Variants in PITPNC1 observed in about 807,000 individuals in gnomAD.
PITPNC1 encodes the protein phosphatidylinositol transfer protein cytoplasmic 1, also known as cytoplasmic phosphatidylinositol transfer protein 1.
Under a neutral mutation model 44.7 loss-of-function variants are expected in PITPNC1, and 18 were observed. The ratio of observed to expected loss-of-function variants is 0.40; its 90% CI spans 0.28 to 0.60. PITPNC1 has a LOEUF of 0.60. PITPNC1 is among the 20% of genes least tolerant of loss of function. The pLI is 0.39. For synonymous variants in PITPNC1, 141 were observed against 149.6 expected (o/e 0.94, Z 0.42); for missense variants, 290 against 418.4 (o/e 0.69, Z 2.68).
At chr17:67,403,218 C>CAAGAA (rs2038347430) in intron 1 of PITPNC1, among the ~76,000 whole-genome samples, 1 of 68,974 alleles carries the variant, frequency 1.4e-5, no homozygotes, top group Admixed American at 2.2e-4. Context: ...CTCATCTCTA[C>CAAGAA]AAAAAAAAAA....
At chr17:67,403,014 C>T (rs1007483827) in intron 1 of PITPNC1, among the ~76,000 whole-genome samples, 1 of 152,056 alleles carries the variant, frequency 6.6e-6, no homozygotes, top group Non-Finnish European at 1.5e-5. Context: ...ATTAACCGTT[C>T]TTCTTAGCTT....
intron 6 of PITPNC1, among the ~76,000 whole-genome samples, chr17:67,665,817 G>T (rs1424109924): frequency 6.6e-6 from 1 of 151,312 alleles, no homozygotes; most frequent in African/African-American, 2.4e-5. Flanking sequence ...CCCAGGAAAG[G>T]GTCCTTGGAG....
intron 1 of PITPNC1, among the ~76,000 whole-genome samples, chr17:67,439,537 C>A (rs1453954991): frequency 6.6e-6 from 1 of 152,156 alleles, no homozygotes; most frequent in East Asian, 1.9e-4. Context: ...AAGAAAATTT[C>A]TCATAGAAAA....
rs968411396 is a variant in PITPNC1 at position 67,693,455 on chromosome 17, T to G, written c.*567T>G. Reference sequence around the variant, plus strand: ...ATTTTAATCATCAAGCTATAGAGGCTCCAAGTGCAATTAATAATAACTCAT... The same window carrying G: ...ATTTTAATCATCAAGCTATAGAGGCGCCAAGTGCAATTAATAATAACTCAT... On this transcript the variant is annotated 3_prime_UTR_variant, in exon 9 of 9. Coordinates refer to ENST00000581322, the MANE Select transcript of PITPNC1 (RefSeq NM_012417.4). 2.6e-5 allele frequency: 4 copies of G among 152,672 alleles called. No homozygotes were observed. The highest frequency in any genetic ancestry group is 9.6e-5 in the African/African-American group (4 of 41,458). The allele number at this position is 152,672 out of a possible 1,614,324, so 9.5% of individuals were successfully genotyped here. A position where few individuals can be genotyped will look rare whatever the true frequency, so the allele number is the denominator to read the frequency against.
intron 5 of PITPNC1, among the ~76,000 whole-genome samples, chr17:67,625,929 A>G (rs995799033): frequency 2.6e-5 from 4 of 151,758 alleles, no homozygotes; most frequent in Non-Finnish European, 5.9e-5. Context: ...GATGTCTCCC[A>G]GAATCCCTGA....
chr17:67,385,232 G>T (rs894381622), intron 1 of PITPNC1, among the ~76,000 whole-genome samples: 1 of 152,062 alleles, frequency 6.6e-6, no homozygotes, highest in Non-Finnish European at 1.5e-5. Context: ...TAATCAGCAG[G>T]CTGCAAAAAC....
At chr17:67,479,268 AC>A (rs1288013330) in intron 1 of PITPNC1, among the ~76,000 whole-genome samples, 1 of 152,116 alleles carries the variant, frequency 6.6e-6, no homozygotes, top group Non-Finnish European at 1.5e-5. Flanking sequence ...CTTTCTGCCT[AC>A]CACACACACG....
chr17:67,504,829 T>A (rs1412487623), intron 1 of PITPNC1, among the ~76,000 whole-genome samples: 1 of 152,232 alleles, frequency 6.6e-6, no homozygotes, highest in Non-Finnish European at 1.5e-5. Flanking sequence ...GAAGGTTAAG[T>A]TATTGATGCG....
intron 1 of PITPNC1, among the ~76,000 whole-genome samples, chr17:67,510,344 C>T (rs555237719): frequency 7.5e-4 from 114 of 152,338 alleles, no homozygotes; most frequent in African/African-American, 2.6e-3. Context: ...CAGGACACCC[C>T]GAACCTGCCT....
chr17:67,631,367 C>T (rs1366542728), intron 5 of PITPNC1, among the ~76,000 whole-genome samples: 4 of 149,018 alleles, frequency 2.7e-5, no homozygotes, highest in East Asian at 1.9e-4. Context: ...CGGTGGCTCA[C>T]GCCTGTAATC....
rs2040480194 is a variant in PITPNC1, at chr17:67,532,798, G to T, written c.49-4G>T. On this transcript the variant is annotated splice_region_variant and splice_polypyrimidine_tract_variant and intron_variant, in intron 1 of 8. Transcript: ENST00000581322. ...ACCTTTCTGTCTCTGACTCTGTTTTGTAGTACAAAATTGGACAGCTGTACA... is the reference window on the plus strand; with the variant it reads ...ACCTTTCTGTCTCTGACTCTGTTTTTTAGTACAAAATTGGACAGCTGTACA... 1.3e-6 allele frequency: 2 copies of T among 1,557,684 alleles called. No individual in the cohort carries two copies. Among genetic ancestry groups the T allele is most frequent in the East Asian group, 2.4e-5 (1 of 41,496 alleles).
chr17:67,603,939 A>AT (rs201638190), intron 5 of PITPNC1, among the ~76,000 whole-genome samples: 79 of 150,006 alleles, frequency 5.3e-4, no homozygotes, highest in African/African-American at 1.9e-3. Context: ...TGTCTCATAG[A>AT]TTTAAAAAAA....
At chr17:67,534,626 G>T (rs1343986585) in intron 2 of PITPNC1, among the ~76,000 whole-genome samples, 1 of 151,116 alleles carries the variant, frequency 6.6e-6, no homozygotes, top group Non-Finnish European at 1.5e-5. Flanking sequence ...GTGACACAGT[G>T]AGACCTTGTC....
At chr17:67,576,710 A>G (rs2041154418) in intron 4 of PITPNC1, among the ~76,000 whole-genome samples, 1 of 152,042 alleles carries the variant, frequency 6.6e-6, no homozygotes, top group Admixed American at 6.6e-5. Context: ...ATAGGACTTG[A>G]CTCAGCGAGA....
intron 5 of PITPNC1, among the ~76,000 whole-genome samples, chr17:67,607,119 T>C (rs2041618101): frequency 6.6e-6 from 1 of 152,210 alleles, no homozygotes; most frequent in Non-Finnish European, 1.5e-5. Context: ...CAACTTTGGG[T>C]TGCTATCTTT....
intron 1 of PITPNC1, among the ~76,000 whole-genome samples, chr17:67,425,197 G>GCACACACACACACACA (rs60303181): frequency 1.3e-4 from 13 of 98,466 alleles, no homozygotes; most frequent in East Asian, 1.0e-3. Flanking sequence ...GCGCGCGCAC[G>GCACACACACACACACA]CACACGCACA....
chr17:67,631,657 A>AATAT (rs1555574521), intron 5 of PITPNC1, among the ~76,000 whole-genome samples: 13 of 7,680 alleles, frequency 1.7e-3, no homozygotes, highest in Non-Finnish European at 2.6e-3. Context: ...AAAAAAAAAA[A>AATAT]ATATATATAT....
At chr17:67,410,834 C>T (rs2143842842) in intron 1 of PITPNC1, among the ~76,000 whole-genome samples, 1 of 151,994 alleles carries the variant, frequency 6.6e-6, no homozygotes, top group East Asian at 2.0e-4. Context: ...CCTGTAATCC[C>T]AGCACTTTGG....
At chr17:67,418,640 AACCTCC>A (rs2038620309) in intron 1 of PITPNC1, among the ~76,000 whole-genome samples, 1 of 151,866 alleles carries the variant, frequency 6.6e-6, no homozygotes, top group Non-Finnish European at 1.5e-5. Flanking sequence ...GGCTCACTGC[AACCTCC>A]ACCTCCTGGG....
Sources: gnomAD v4.1 joint callset for allele counts (sites outside exome capture counted in the v4.1 genomes callset) on GRCh38, gnomAD v4.1.1 for gene constraint, MANE v1.5 for transcripts, NCBI Gene and HGNC (gene_info 2026-07-23, HGNC 2026-07-21) for gene names.